The following DKK2 variants were observed in gnomAD, a reference collection of about 807,000 sequenced individuals.
The protein encoded by DKK2 is dickkopf Wnt signaling pathway inhibitor 2.
DKK2 carries 11 observed loss-of-function variants against 28.1 expected under a neutral mutation model. The ratio of observed to expected loss-of-function variants is 0.39; its 90% CI spans 0.25 to 0.65. DKK2 has a LOEUF of 0.65. Ranked by LOEUF, DKK2 falls within the 30% of genes least tolerant of loss-of-function variation. The pLI, the probability that DKK2 is intolerant of heterozygous loss-of-function variation, is 0.47. For missense variants in DKK2, 326 were observed against 335.5 expected (o/e 0.97, Z 0.22); for synonymous variants, 135 against 126.5 (o/e 1.07, Z -0.45).
intron 1 of DKK2, among the ~76,000 whole-genome samples, chr4:106,960,486 G>A (rs1722671047): frequency 1.3e-5 from 2 of 152,038 alleles, no homozygotes; most frequent in African/African-American, 4.8e-5. Context: ...CACTACCCAG[G>A]TGACAGGTGC....
At chr4:106,990,853 T>C (rs542962172) in intron 1 of DKK2, among the ~76,000 whole-genome samples, 17 of 152,154 alleles carry the variant, frequency 1.1e-4, no homozygotes, top group South Asian at 8.3e-4. Context: ...GTGGAAAGTA[T>C]ACTAGATGCT....
chr4:106,957,608 A>G (rs184565150), intron 1 of DKK2, among the ~76,000 whole-genome samples: 3,772 of 151,748 alleles, frequency 0.025, 61 homozygotes, highest in Non-Finnish European at 0.037. Flanking sequence ...TTGTAAGGAC[A>G]TGGATGAAAT....
chr4:106,973,386 T>G (rs1451622184), intron 1 of DKK2, among the ~76,000 whole-genome samples: 1 of 152,230 alleles, frequency 6.6e-6, no homozygotes, highest in Non-Finnish European at 1.5e-5. Context: ...CTCCACATTC[T>G]CTCCAGCATC....
intron 1 of DKK2, among the ~76,000 whole-genome samples, chr4:106,928,747 A>G (rs1361542529): frequency 6.6e-6 from 1 of 152,214 alleles, no homozygotes; most frequent in African/African-American, 2.4e-5. Context: ...GTTCTAACCC[A>G]TTAATAACAA....
chr4:107,018,260 G>A (rs1723640669), intron 1 of DKK2, among the ~76,000 whole-genome samples: 1 of 151,980 alleles, frequency 6.6e-6, no homozygotes, highest in Non-Finnish European at 1.5e-5. Flanking sequence ...ATTTTAAGAA[G>A]GTCCAAATTA....
chr4:107,034,566 G>T (rs17037297), intron 1 of DKK2, among the ~76,000 whole-genome samples: 8 of 152,142 alleles, frequency 5.3e-5, no homozygotes, highest in Non-Finnish European at 8.8e-5. Flanking sequence ...CCTGCGGAAA[G>T]TTCCCTCTCT....
Position 106,999,108 on chromosome 4 carries a change from C to T in DKK2, c.222+36262G>A, listed in dbSNP as rs12163818. On this transcript the variant is annotated intron_variant, in intron 1 of 3. Coordinates refer to ENST00000285311, the MANE Select transcript of DKK2 (RefSeq NM_014421.3). ...AAAAAATCTGAATTAGTATCCTGAC[C>T]CCACAGCTAAGTTTGTGTGTTCTTA... Among the ~76,000 whole-genome samples the T allele has an allele frequency of 2.2e-3, 336 of 152,152 alleles. 17 individuals carry two copies. In the East Asian group the frequency reaches 0.055, roughly 25 times the overall value.
At chr4:106,980,899 C>T (rs1407484493) in intron 1 of DKK2, among the ~76,000 whole-genome samples, 1 of 152,002 alleles carries the variant, frequency 6.6e-6, no homozygotes, top group African/African-American at 2.4e-5. Context: ...TGAGTGCTAC[C>T]AAATTTTTTA....
intron 1 of DKK2, among the ~76,000 whole-genome samples, chr4:107,018,314 G>A (rs1443058373): frequency 6.6e-6 from 1 of 152,062 alleles, no homozygotes; most frequent in Non-Finnish European, 1.5e-5. Flanking sequence ...ATGTGGGCTG[G>A]CCAGAGCTGC....
chr4:107,009,561 A>G (rs1723486431), intron 1 of DKK2, among the ~76,000 whole-genome samples: 1 of 151,920 alleles, frequency 6.6e-6, no homozygotes, highest in Admixed American at 6.6e-5. Flanking sequence ...AACATATGTA[A>G]TAATTATAAC....
chr4:106,994,353 T>G (rs1239421115), intron 1 of DKK2, among the ~76,000 whole-genome samples: 1 of 152,138 alleles, frequency 6.6e-6, no homozygotes, highest in Admixed American at 6.5e-5. Flanking sequence ...CAGAGTTCAC[T>G]TATACAATTT....
intron 1 of DKK2, among the ~76,000 whole-genome samples, chr4:106,995,722 C>G (rs1420698983): frequency 1.3e-5 from 2 of 152,146 alleles, no homozygotes; most frequent in Non-Finnish European, 2.9e-5. Flanking sequence ...AAGCGATTCT[C>G]CTGCCTCAGC....
chr4:106,945,680 C>T (rs1389256482), intron 1 of DKK2, among the ~76,000 whole-genome samples: 1 of 152,020 alleles, frequency 6.6e-6, no homozygotes, highest in African/African-American at 2.4e-5. Context: ...TAATATATAC[C>T]CATATCCTGA....
At chr4:107,010,416 T>C (rs1723499943) in intron 1 of DKK2, among the ~76,000 whole-genome samples, 1 of 151,750 alleles carries the variant, frequency 6.6e-6, no homozygotes, top group Non-Finnish European at 1.5e-5. Context: ...GTTTCACTGT[T>C]ATCAATTTAA....
At chr4:106,986,622 TTC>T (rs1475512059) in intron 1 of DKK2, among the ~76,000 whole-genome samples, 1 of 152,174 alleles carries the variant, frequency 6.6e-6, no homozygotes, top group Non-Finnish European at 1.5e-5. Flanking sequence ...GTTCTAGATT[TTC>T]TGTTACATGT....
intron 1 of DKK2, among the ~76,000 whole-genome samples, chr4:107,025,887 C>T (rs1340432418): frequency 6.6e-6 from 1 of 152,202 alleles, no homozygotes; most frequent in African/African-American, 2.4e-5. Flanking sequence ...TTTAAGGCAA[C>T]TGAATGTAAT....
intron 1 of DKK2, among the ~76,000 whole-genome samples, chr4:106,985,824 A>G (rs1560586445): frequency 6.6e-6 from 1 of 151,646 alleles, no homozygotes; most frequent in Non-Finnish European, 1.5e-5. Flanking sequence ...TCAAAAAAAA[A>G]AAAAAGAAAA....
intron 1 of DKK2, among the ~76,000 whole-genome samples, chr4:107,031,893 T>C (rs1367846201): frequency 6.6e-6 from 1 of 151,968 alleles, no homozygotes; most frequent in Non-Finnish European, 1.5e-5. Context: ...CCTCAAACTT[T>C]AGAGATAGTA....
intron 1 of DKK2, among the ~76,000 whole-genome samples, chr4:106,939,216 T>A (rs1402401384): frequency 1.3e-5 from 2 of 152,148 alleles, no homozygotes; most frequent in Non-Finnish European, 2.9e-5. Context: ...GAAAACCCCA[T>A]TATCTCAGCC....
Sources: gnomAD v4.1 joint callset for allele counts (sites outside exome capture counted in the v4.1 genomes callset) on GRCh38, gnomAD v4.1.1 for gene constraint, MANE v1.5 for transcripts, NCBI Gene and HGNC (gene_info 2026-07-23, HGNC 2026-07-21) for gene names.